Variants in CAPN3 observed in about 807,000 individuals in gnomAD.
CAPN3 encodes calpain-3.
Under a neutral mutation model 114.0 loss-of-function variants are expected in CAPN3, and 88 were observed. The ratio of observed to expected loss-of-function variants is 0.77; its 90% confidence interval spans 0.65 to 0.92. The LOEUF (loss-of-function observed/expected upper bound fraction) is 0.92, where lower values mean the gene tolerates loss of function less well. Among genes scored for constraint, CAPN3 ranks in the 40% least tolerant of loss-of-function variants. The pLI is 0.00. For missense variants in CAPN3, 1,028 were observed against 1,069.0 expected, an observed-to-expected ratio of 0.96 and a Z score of 0.53; for synonymous variants, 386 against 382.9, an observed-to-expected ratio of 1.01 and a Z score of -0.09.
At chr15:42,402,352 C>CA in intron 12 of CAPN3, 2 of 1,476,730 alleles carry the variant, frequency 1.4e-6, no homozygotes. Context: ...TCCCTCGCAC[C>CA]AGACACTGCA....
chr15:42,387,966 GGAA>G (rs2053449320), intron 4 of CAPN3, 80 bp downstream of exon 4: 2 of 1,563,156 alleles, frequency 1.3e-6, no homozygotes, highest in African/African-American at 2.7e-5. Flanking sequence ...CTCACTCACA[GGAA>G]GAGGCATGTG....
At chr15:42,372,538 G>GTT (rs200535969) in intron 1 of CAPN3, among the ~76,000 whole-genome samples, 116 of 151,844 alleles carry the variant, frequency 7.6e-4, no homozygotes, top group African/African-American at 2.7e-3. Context: ...TTTTTTTGTT[G>GTT]TTTTTTTTGA....
At chr15:42,375,723 C>T (rs1031292669) in intron 1 of CAPN3, among the ~76,000 whole-genome samples, 4 of 152,296 alleles carry the variant, frequency 2.6e-5, no homozygotes, top group Non-Finnish European at 5.9e-5. Flanking sequence ...ACAGAGTTCT[C>T]ATATACCTTG....
At chr15:42,404,257 T>C (rs987401211) in intron 14 of CAPN3, 2 of 456,508 alleles carry the variant, frequency 4.4e-6, no homozygotes, top group Admixed American at 4.7e-5. Flanking sequence ...GGGATGATAA[T>C]GTGCCTTGCA....
At chr15:42,404,246 G>A (rs1479208632) in intron 14 of CAPN3, 5 of 456,610 alleles carry the variant, frequency 1.1e-5, no homozygotes, top group African/African-American at 2.0e-5. Flanking sequence ...TCAGTAAAAC[G>A]GGGATGATAA....
chr15:42,380,253 A>G (rs2053199798), intron 1 of CAPN3, among the ~76,000 whole-genome samples: 1 of 151,558 alleles, frequency 6.6e-6, no homozygotes, highest in African/African-American at 2.4e-5. Flanking sequence ...CATGTTTATA[A>G]CTGATTTCCA....
At chr15:42,360,210 G>C in intron 1 of CAPN3, 96 bp downstream of exon 1, 2 of 1,323,536 alleles carry the variant, frequency 1.5e-6, no homozygotes, top group Non-Finnish European at 2.2e-6. Flanking sequence ...ATGGGCACTG[G>C]GGGAAGGATC....
At chr15:42,373,193 A>T (rs888677142) in intron 1 of CAPN3, among the ~76,000 whole-genome samples, 7 of 152,208 alleles carry the variant, frequency 4.6e-5, no homozygotes, top group Admixed American at 1.3e-4. Context: ...ACCCTATCTC[A>T]AAAATAAATA....
rs763183871 is a variant in CAPN3 at position 42,402,959 on chromosome 15, G to C, written c.1702G>C (p.Glu568Gln). 6.2e-7 allele frequency: 1 copy of C among 1,614,208 alleles called. No homozygotes were observed. Among genetic ancestry groups the C allele is most frequent in the Admixed American group, 1.7e-5 (1 of 60,022 alleles). Residue 568 changes from glutamate (E) to glutamine (Q), a missense_variant, in exon 13 of 24, where the codon GAA becomes CAA. Transcript: ENST00000397163. ...CACCTACGAGCCCCACCAGGAGGGG[G>C]AATTCATCCTCCGGGTCTTCTCTGA... ...PSTYEPHQEGEFILRVFSEKR... is the reference protein window; with the variant it reads ...PSTYEPHQEGQFILRVFSEKR...
intron 1 of CAPN3, among the ~76,000 whole-genome samples, chr15:42,364,318 T>C (rs2052725203): frequency 6.6e-6 from 1 of 152,222 alleles, no homozygotes; most frequent in South Asian, 2.1e-4. Context: ...CATCTCTTAA[T>C]TAATTGAGGA....
chr15:42,362,791 C>A (rs766004460), intron 1 of CAPN3, among the ~76,000 whole-genome samples: 4 of 152,196 alleles, frequency 2.6e-5, no homozygotes, highest in Non-Finnish European at 5.9e-5. Flanking sequence ...CCAGAACTTT[C>A]TGACTGTAAA....
intron 1 of CAPN3, among the ~76,000 whole-genome samples, chr15:42,376,967 G>A (rs1165000916): frequency 1.3e-5 from 2 of 152,074 alleles, no homozygotes; most frequent in African/African-American, 4.8e-5. Context: ...AATTCCAGTT[G>A]TTCATTGCTG....
At position 42,360,229 on chromosome 15, in the gene CAPN3, A is replaced by G. The variant is rs113843423; in HGVS notation, c.309+115A>G. 541 of 1,111,016 alleles carry G rather than the reference A, an allele frequency of 4.9e-4. 5 individuals carry two copies. The African/African-American group carries it at 7.7e-3, about 16-fold the overall frequency. 68.8% of individuals were successfully genotyped at this position (1,111,016 alleles called of 1,614,324 possible). A position where few individuals can be genotyped will look rare whatever the true frequency, so the allele number is the denominator to read the frequency against. On this transcript the variant is annotated intron_variant, in intron 1 of 23. Transcript: ENST00000397163. Reference sequence around the variant, plus strand: ...GCACTGGGGGAAGGATCCTGGCAGCAGCTCTGCTGGGCTCTGTCTTTAAGT... The same window carrying G: ...GCACTGGGGGAAGGATCCTGGCAGCGGCTCTGCTGGGCTCTGTCTTTAAGT...
At chr15:42,400,059 G>A (rs1175843327) in intron 10 of CAPN3, among the ~76,000 whole-genome samples, 2 of 152,184 alleles carry the variant, frequency 1.3e-5, no homozygotes, top group African/African-American at 4.8e-5. Context: ...TATTTTACAA[G>A]AAAGTGTTGA....
At chr15:42,360,394 A>G (rs1474069989) in intron 1 of CAPN3, among the ~76,000 whole-genome samples, 1 of 151,674 alleles carries the variant, frequency 6.6e-6, no homozygotes, top group African/African-American at 2.4e-5. Flanking sequence ...CTTGCTTTTT[A>G]TAAAAGTGGG....
At chr15:42,409,883 G>GGGGGGCCCCC (rs2054153367) in intron 18 of CAPN3, 39 bp downstream of exon 18, 3 of 559,620 alleles carry the variant, frequency 5.4e-6, no homozygotes, top group Non-Finnish European at 1.1e-5. Flanking sequence ...GGTGGGTGGG[G>GGGGGGCCCCC]AGTCCCGTTG....
intron 1 of CAPN3, among the ~76,000 whole-genome samples, chr15:42,378,372 TC>T (rs1350910306): frequency 6.6e-6 from 1 of 152,222 alleles, no homozygotes; most frequent in Non-Finnish European, 1.5e-5. Context: ...TTAAGTGGAT[TC>T]GGCTGCCTTC....
Position 42,410,636 on chromosome 15 carries a change from TACGAG to T in CAPN3, c.2235_2239del (p.Glu746AlafsTer17). On this transcript the variant is annotated frameshift_variant, in exon 21 of 24. Coordinates refer to ENST00000397163, the MANE Select transcript of CAPN3 (RefSeq NM_000070.3). LOFTEE classifies it high-confidence loss of function. ...AGACCAGTCCGGCACCATCAACAGC[TACGAG>T]ATGCGAAATGCAGTCAACGACGCAG... is the stretch of plus-strand genomic sequence containing the variant. 6.2e-7 allele frequency: 1 copy of T among 1,613,858 alleles called. No homozygotes were observed. The highest frequency in any genetic ancestry group is 8.5e-7 in the Non-Finnish European group (1 of 1,179,958).
In CAPN3 at chr15:42,409,330, A is replaced by G; in HGVS notation, c.1942A>G (p.Ser648Gly). ...ACAGCCTGGCAGCTCTGATCAGGAA[A>G]GTGAGGAACAGCAACAATTCCGGAA... ...QPQPGSSDQE[S>G]EEQQQFRNIF... Residue 648 changes from serine (S) to glycine (G), a missense_variant, in exon 17 of 24, where the codon AGT becomes GGT. By Grantham distance (56) the Ser-to-Gly change is moderately conservative (BLOSUM62 0). Coordinates refer to ENST00000397163, the MANE Select transcript of CAPN3 (RefSeq NM_000070.3). 1.2e-6 allele frequency: 2 copies of G among 1,614,210 alleles called. No individual in the cohort carries two copies. The highest frequency in any genetic ancestry group is 1.7e-6 in the Non-Finnish European group (2 of 1,180,026).
Sources: allele counts gnomAD v4.1 joint callset (sites outside exome capture counted in the v4.1 genomes callset), GRCh38; gene constraint gnomAD v4.1.1; transcripts MANE v1.5; gene names NCBI Gene and HGNC (gene_info 2026-07-23, HGNC 2026-07-21).